The following SPICE1 variants were observed in gnomAD, a reference collection of about 807,000 sequenced individuals.
SPICE1 encodes the protein spindle and centriole associated protein 1.
Under a neutral mutation model 102.7 loss-of-function variants are expected in SPICE1, and 75 were observed. The ratio of observed to expected loss-of-function variants is 0.73; its 90% CI spans 0.61 to 0.88. SPICE1 has a LOEUF of 0.88. SPICE1 is among the 40% of genes least tolerant of loss of function. SPICE1 has a pLI of 0.00. For synonymous variants in SPICE1, 308 were observed against 350.3 expected (o/e 0.88, Z 1.35); for missense variants, 979 against 1,020.1 (o/e 0.96, Z 0.55).
chr3:113,495,622 C>T (rs1936865680), intron 4 of SPICE1, among the ~76,000 whole-genome samples: 1 of 152,192 alleles, frequency 6.6e-6, no homozygotes, highest in Non-Finnish European at 1.5e-5. Flanking sequence ...ACCTATATAC[C>T]ACTCTAGAGA....
intron 7 of SPICE1, among the ~76,000 whole-genome samples, chr3:113,484,712 T>G (rs901299622): frequency 6.6e-6 from 1 of 152,050 alleles, no homozygotes; most frequent in Non-Finnish European, 1.5e-5. Context: ...TAATCCTGAT[T>G]TCTAATTTGA....
At chr3:113,513,081 G>A (rs1025056540) in intron 1 of SPICE1, among the ~76,000 whole-genome samples, 1 of 152,112 alleles carries the variant, frequency 6.6e-6, no homozygotes, top group Admixed American at 6.5e-5. Flanking sequence ...CAAACACACT[G>A]TGAAAATGAG....
At chr3:113,477,966 C>T (rs1416836661) in intron 7 of SPICE1, among the ~76,000 whole-genome samples, 3 of 144,628 alleles carry the variant, frequency 2.1e-5, no homozygotes, top group Non-Finnish European at 3.0e-5. Context: ...AAGAATCTGC[C>T]GAAAAAAAAG....
chr3:113,459,275 ACTGCGGAAGGAGGCAAGG>A (rs1362009962), intron 12 of SPICE1, among the ~76,000 whole-genome samples: 1 of 152,190 alleles, frequency 6.6e-6, no homozygotes, highest in East Asian at 1.9e-4. Context: ...GGACACAAAC[ACTGCGGAAGGAGGCAAGG>A]CCCTCTGCCT....
intron 14 of SPICE1, 51 bp downstream of exon 14, chr3:113,453,415 T>C: frequency 6.6e-7 from 1 of 1,525,690 alleles, no homozygotes; most frequent in South Asian, 1.3e-5. Context: ...CAAGCTAAAG[T>C]TCCTATTTAA....
At chr3:113,484,641 T>C (rs940864000) in intron 7 of SPICE1, among the ~76,000 whole-genome samples, 2 of 149,984 alleles carry the variant, frequency 1.3e-5, no homozygotes, top group South Asian at 2.1e-4. Context: ...ATGTACCCAG[T>C]AGTCATTCAG....
In SPICE1 at chr3:113,490,715, C is replaced by T. The variant is rs528223938; in HGVS notation, c.493-1652G>A. Among the ~76,000 whole-genome samples the T allele has an allele frequency of 1.0e-3, 156 of 152,270 alleles. 1 individual carries two copies. Among genetic ancestry groups the T allele is most frequent in the African/African-American group, 3.6e-3 (151 of 41,538 alleles). The stretch of plus-strand genomic sequence containing the variant: ...TTTCTAAGCCCTCCAACCATTCTTC[C>T]AGAAACTTTGTTCCTGCCAATATTA... On this transcript the variant is annotated intron_variant, in intron 6 of 17. Coordinates refer to ENST00000295872, the MANE Select transcript of SPICE1 (RefSeq NM_144718.4).
In SPICE1 at chr3:113,506,574, G is replaced by A. The variant is rs1937116651; in HGVS notation, c.32C>T (p.Pro11Leu). 2.5e-6 allele frequency: 4 copies of A among 1,612,622 alleles called. No individual in the cohort carries two copies. Among genetic ancestry groups the A allele is most frequent in the Non-Finnish European group, 3.4e-6 (4 of 1,179,576 alleles). Residue 11 changes from proline to leucine, a missense_variant, in exon 2 of 18, where the codon CCC becomes CTC. Pro to Leu is a moderately conservative substitution (Grantham distance 98). Coordinates refer to ENST00000295872, the MANE Select transcript of SPICE1 (RefSeq NM_144718.4). Reference sequence around the variant, plus strand: ...CGGTGTCTTTCTTACACCAACTCGGGGACCACAGCGGTTCACTCTGACAAA... The same window carrying A: ...CGGTGTCTTTCTTACACCAACTCGGAGACCACAGCGGTTCACTCTGACAAA... MSFVRVNRCG[P>L]RVGVRKTPKV... is the part of the protein sequence containing the mutation.
At position 113,499,600 on chromosome 3, in the gene SPICE1, G is replaced by A. The variant is rs562678831; in HGVS notation, c.148-18C>T. 4.6e-5 allele frequency: 72 copies of A among 1,563,092 alleles called. No homozygotes were observed. Among genetic ancestry groups the A allele is most frequent in the Non-Finnish European group, 3.5e-6 (4 of 1,155,718 alleles). Reference sequence around the variant, plus strand: ...CGGCGTACCTATACAGAAGAGAAAAGTACATAAAGGAATGTTTCAGACACA... The same window carrying A: ...CGGCGTACCTATACAGAAGAGAAAAATACATAAAGGAATGTTTCAGACACA... On this transcript the variant is annotated intron_variant, in intron 3 of 17. Transcript: ENST00000295872.
intron 7 of SPICE1, among the ~76,000 whole-genome samples, chr3:113,469,686 A>T (rs1936151578): frequency 6.6e-6 from 1 of 152,070 alleles, no homozygotes; most frequent in African/African-American, 2.4e-5. Flanking sequence ...TATAACTGAT[A>T]AGACAGGTAG....
intron 1 of SPICE1, among the ~76,000 whole-genome samples, chr3:113,507,215 A>G (rs1230593682): frequency 6.6e-6 from 1 of 152,082 alleles, no homozygotes; most frequent in Non-Finnish European, 1.5e-5. Context: ...TTTAAACTAG[A>G]ATTTTTAAAT....
chr3:113,489,629 T>C (rs748163332), intron 6 of SPICE1, among the ~76,000 whole-genome samples: 1 of 152,072 alleles, frequency 6.6e-6, no homozygotes, highest in Non-Finnish European at 1.5e-5. Context: ...GTGGATCACT[T>C]GAGCCCAGGT....
At chr3:113,476,891 T>G (rs1197043826) in intron 7 of SPICE1, among the ~76,000 whole-genome samples, 5 of 152,168 alleles carry the variant, frequency 3.3e-5, no homozygotes, top group African/African-American at 1.2e-4. Flanking sequence ...ACTTCATGTC[T>G]AAAACACCAA....
intron 2 of SPICE1, among the ~76,000 whole-genome samples, chr3:113,503,955 A>AAAGTG (rs919566998): frequency 6.8e-6 from 1 of 146,990 alleles, no homozygotes; most frequent in Non-Finnish European, 1.5e-5. Context: ...AAAAAAAAAG[A>AAAGTG]AAGTGTGATC....
At chr3:113,480,760 A>G (rs1936473458) in intron 7 of SPICE1, among the ~76,000 whole-genome samples, 1 of 152,138 alleles carries the variant, frequency 6.6e-6, no homozygotes, top group East Asian at 1.9e-4. Flanking sequence ...GCATGCCTGT[A>G]GTCCCGGCTA....
chr3:113,453,103 T>A (rs891563683), intron 14 of SPICE1, among the ~76,000 whole-genome samples: 4 of 152,228 alleles, frequency 2.6e-5, no homozygotes, highest in African/African-American at 4.8e-5. Context: ...TACTCTTTTA[T>A]GAGCCATTTT....
chr3:113,465,903 T>A, intron 10 of SPICE1, 119 bp from the exon 11 acceptor site: 1 of 874,824 alleles, frequency 1.1e-6, no homozygotes, highest in Non-Finnish European at 1.7e-6. Flanking sequence ...GTGACAGTAA[T>A]GATGAAGAGT....
chr3:113,507,850 T>C (rs942933346), intron 1 of SPICE1, among the ~76,000 whole-genome samples: 3 of 152,090 alleles, frequency 2.0e-5, no homozygotes, highest in Admixed American at 6.6e-5. Context: ...TATTCCTCAT[T>C]TTACAAACGA....
rs1192875124 is a variant in SPICE1, at chr3:113,494,446, G to C, written c.292-304C>G. Reference sequence around the variant, plus strand: ...GCGGATCACGAGGTCAGGAGATCGAGACCATCCCGGCTAAAACGGTGAAAC... The same window carrying C: ...GCGGATCACGAGGTCAGGAGATCGACACCATCCCGGCTAAAACGGTGAAAC... On this transcript the variant is annotated intron_variant, in intron 4 of 17. Coordinates refer to ENST00000295872, the MANE Select transcript of SPICE1 (RefSeq NM_144718.4). 2.6e-5 allele frequency among the ~76,000 whole-genome samples: 4 copies of C among 152,156 alleles called. No individual in the cohort carries two copies. In the South Asian group the frequency reaches 8.3e-4, roughly 32 times the overall value.
Sources: gnomAD v4.1 joint callset for allele counts (sites outside exome capture counted in the v4.1 genomes callset) on GRCh38, gnomAD v4.1.1 for gene constraint, MANE v1.5 for transcripts, NCBI Gene and HGNC (gene_info 2026-07-23, HGNC 2026-07-21) for gene names.